Variants in MCPH1 observed in about 807,000 individuals in gnomAD.
MCPH1 encodes microcephalin 1.
MCPH1 carries 104 observed loss-of-function variants against 84.5 expected under a neutral mutation model. The ratio of observed to expected loss-of-function variants is 1.23; its 90% CI spans 1.05 to 1.45. The LOEUF is 1.45. Among genes scored for constraint, MCPH1 ranks in the 40% most tolerant of loss-of-function variants. The pLI is 0.00. For synonymous variants in MCPH1, 514 were observed against 366.8 expected (o/e 1.40, Z -4.58); for missense variants, 1,498 against 1,005.7 (o/e 1.49, Z -6.62).
At position 6,636,248 on chromosome 8, in the gene MCPH1, G is replaced by C. The variant is rs906377229; in HGVS notation, c.2453-6746G>C. 2.0e-5 allele frequency among the ~76,000 whole-genome samples: 3 copies of C among 151,992 alleles called. No individual in the cohort carries two copies. The South Asian group carries it at 6.2e-4, about 32-fold the overall frequency. ...CCAGCTACTTGGGAGGCTGAGGCAG[G>C]GGAATCGCTTGAGCCTGGGAGGTAG... On this transcript the variant is annotated intron_variant, in intron 13 of 13. Coordinates refer to ENST00000344683, the MANE Select transcript of MCPH1 (RefSeq NM_024596.5).
chr8:6,431,562 C>T lies in MCPH1; in HGVS notation c.297C>T (p.His99=), dbSNP rs727504012. 92 of 1,611,330 alleles carry T rather than the reference C, an allele frequency of 5.7e-5. No homozygotes were observed. The highest frequency in any genetic ancestry group is 5.0e-4 in the Admixed American group (30 of 59,914). The change falls in exon 4 of 14, where the codon CAC becomes CAT. Residue 99 remains histidine, a synonymous_variant. Coordinates refer to ENST00000344683, the MANE Select transcript of MCPH1 (RefSeq NM_024596.5). ...TCCCTGCAGCTAATATGAATGAACA[C>T]TTATCAAGCCTAATTAAAAAAAAAG... ...SLFPAANMNE[H]LSSLIKKKRK... is the part of the protein sequence containing the mutation.
chr8:6,435,113 T>TA lies in MCPH1; in HGVS notation c.322-934dup, dbSNP rs376008713. On this transcript the variant is annotated intron_variant, in intron 4 of 13. Transcript: ENST00000344683. Reference sequence around the variant, plus strand: ...GGTTTCATGTGTTTGTGAGTGTAGTTACAGTTTTTGGGTTTTACTGGCTGA... The same window carrying TA: ...GGTTTCATGTGTTTGTGAGTGTAGTTAACAGTTTTTGGGTTTTACTGGCTGA... 8.9e-4 allele frequency among the ~76,000 whole-genome samples: 135 copies of TA among 152,336 alleles called. 2 individuals are homozygous for TA. The highest frequency in any genetic ancestry group is 3.2e-3 in the African/African-American group (132 of 41,568).
chr8:6,621,392 G>C, intron 12 of MCPH1, 62 bp from the exon 13 acceptor site: 1 of 1,594,714 alleles, frequency 6.3e-7, no homozygotes, highest in South Asian at 1.1e-5. Context: ...GCAACAGTTC[G>C]CCTACGCTAT....
chr8:6,407,744 T>C (rs1453796633), intron 1 of MCPH1, among the ~76,000 whole-genome samples: 2 of 152,210 alleles, frequency 1.3e-5, no homozygotes, highest in African/African-American at 4.8e-5. Flanking sequence ...GAAAATGCTT[T>C]TAAACATCAG....
At position 6,626,382 on chromosome 8, in the gene MCPH1, T is replaced by C. The variant is rs546109728; in HGVS notation, c.2452+4691T>C. The C allele has an allele frequency of 2.5e-4, 250 of 985,310 alleles. 2 individuals carry two copies. In the South Asian group the frequency reaches 0.011, roughly 41 times the overall value. The allele number at this position is 985,310 out of a possible 1,614,324, so 61.0% of individuals were successfully genotyped here. The stretch of plus-strand genomic sequence containing the variant: ...CCCTCTTCATTCCCTGGAGTCTTTT[T>C]TCCCTGAAACTGTATTGTACTTGGG... On this transcript the variant is annotated intron_variant, in intron 13 of 13. Transcript: ENST00000344683.
chr8:6,430,617 G>C lies in MCPH1; in HGVS notation c.234-882G>C, dbSNP rs1220982118. ...ATATGGATATGTGTTTTTTATTGCAGTGTACTTTATTTTTTCAAATAACTG... is the reference window on the plus strand; with the variant it reads ...ATATGGATATGTGTTTTTTATTGCACTGTACTTTATTTTTTCAAATAACTG... On this transcript the variant is annotated intron_variant, in intron 3 of 13. Coordinates refer to ENST00000344683, the MANE Select transcript of MCPH1 (RefSeq NM_024596.5). 2.0e-5 allele frequency among the ~76,000 whole-genome samples: 3 copies of C among 152,144 alleles called. No homozygotes were observed. The East Asian group carries it at 5.8e-4, about 29-fold the overall frequency.
At chr8:6,581,877 T>C (rs1288818193) in intron 12 of MCPH1, among the ~76,000 whole-genome samples, 1 of 152,152 alleles carries the variant, frequency 6.6e-6, no homozygotes, top group Non-Finnish European at 1.5e-5. Context: ...CTTCTCTGCG[T>C]CCTCACATGG....
chr8:6,435,667 C>T (rs985186616), intron 4 of MCPH1, among the ~76,000 whole-genome samples: 1 of 152,130 alleles, frequency 6.6e-6, no homozygotes, highest in Non-Finnish European at 1.5e-5. Context: ...CTTGCAACTT[C>T]AGGGGCCGTG....
At chr8:6,610,432 C>A (rs535707915) in intron 12 of MCPH1, among the ~76,000 whole-genome samples, 1 of 152,350 alleles carries the variant, frequency 6.6e-6, no homozygotes, top group East Asian at 1.9e-4. Context: ...CTTGTTCCAA[C>A]CATCCCAAAG....
intron 13 of MCPH1, chr8:6,625,041 A>G (rs1831920964): frequency 2.0e-6 from 1 of 498,960 alleles, no homozygotes. Flanking sequence ...TGCCCAGGTA[A>G]TTTTTGTATT....
At chr8:6,560,174 C>A (rs1444722979) in intron 12 of MCPH1, among the ~76,000 whole-genome samples, 1 of 152,068 alleles carries the variant, frequency 6.6e-6, no homozygotes, top group African/African-American at 2.4e-5. Flanking sequence ...GTTTTTGAAT[C>A]TTTCATTTTT....
intron 3 of MCPH1, among the ~76,000 whole-genome samples, chr8:6,416,951 G>A (rs990536710): frequency 6.6e-6 from 1 of 151,468 alleles, no homozygotes; most frequent in Non-Finnish European, 1.5e-5. Flanking sequence ...CCAAGACCAC[G>A]CCATTGCACT....
chr8:6,533,379 G>C (rs1215847086), intron 12 of MCPH1, among the ~76,000 whole-genome samples: 1 of 152,190 alleles, frequency 6.6e-6, no homozygotes, highest in Non-Finnish European at 1.5e-5. Flanking sequence ...CTTTGGGCTT[G>C]GAGCCAGGGA....
chr8:6,509,285 A>G (rs1814451137), intron 12 of MCPH1, among the ~76,000 whole-genome samples: 1 of 152,228 alleles, frequency 6.6e-6, no homozygotes, highest in South Asian at 2.1e-4. Flanking sequence ...CCTTCAACAC[A>G]TATCACTTGC....
At position 6,592,614 on chromosome 8, in the gene MCPH1, C is replaced by CTT. The variant is rs1252024553; in HGVS notation, c.2215-28833_2215-28832dup. Reference sequence around the variant, plus strand: ...GTCATCTAGGCTCTCGTTTTTCTTTCTTTTTTTTGTTTTTTTTTTTTTTTT... The same window carrying CTT: ...GTCATCTAGGCTCTCGTTTTTCTTTCTTTTTTTTTTGTTTTTTTTTTTTTTTT... On this transcript the variant is annotated intron_variant, in intron 12 of 13. Coordinates refer to ENST00000344683, the MANE Select transcript of MCPH1 (RefSeq NM_024596.5). Among the ~76,000 whole-genome samples, 461 of 65,340 alleles carry CTT rather than the reference C, an allele frequency of 7.1e-3. 18 individuals carry two copies. The highest frequency in any genetic ancestry group is 0.016 in the African/African-American group (314 of 19,120). The allele number at this position is 65,340 out of a possible 152,430, so 42.9% of individuals were successfully genotyped here.
At chr8:6,517,724 G>C (rs1280619426) in intron 12 of MCPH1, among the ~76,000 whole-genome samples, 2 of 152,122 alleles carry the variant, frequency 1.3e-5, no homozygotes, top group South Asian at 2.1e-4. Flanking sequence ...TCATTGTTCT[G>C]TTACAGATGG....
chr8:6,623,688 CAAA>C (rs377522481), intron 13 of MCPH1, among the ~76,000 whole-genome samples: 26 of 92,420 alleles, frequency 2.8e-4, no homozygotes, highest in African/African-American at 1.1e-3. Context: ...AACCAACTTC[CAAA>C]AAAAAAAAAA....
chr8:6,469,373 T>C (rs1807423069), intron 9 of MCPH1, among the ~76,000 whole-genome samples: 1 of 152,208 alleles, frequency 6.6e-6, no homozygotes. Context: ...GACTGAGTCT[T>C]TCTGAAGGTG....
intron 12 of MCPH1, among the ~76,000 whole-genome samples, chr8:6,516,157 C>T (rs1017867922): frequency 6.6e-6 from 1 of 152,192 alleles, no homozygotes; most frequent in African/African-American, 2.4e-5. Flanking sequence ...ATTATTTCCT[C>T]ATTTTAAATT....
Sources: allele counts gnomAD v4.1 joint callset (sites outside exome capture counted in the v4.1 genomes callset), GRCh38; gene constraint gnomAD v4.1.1; transcripts MANE v1.5; gene names NCBI Gene and HGNC (gene_info 2026-07-23, HGNC 2026-07-21).